LONP2: variants seen among roughly 807,000 people sequenced by gnomAD.
LONP2 encodes the protein lon protease homolog 2, peroxisomal.
A neutral mutation model predicts 85.6 loss-of-function variants in LONP2; 60 were observed. The observed-to-expected ratio is 0.70, with a 90% CI of 0.57 to 0.87. LONP2 has a LOEUF of 0.87. Ranked by LOEUF, LONP2 falls within the 40% of genes least tolerant of loss-of-function variation. LONP2 has a pLI of 0.00. For synonymous variants in LONP2, 395 were observed against 389.7 expected (o/e 1.01, Z -0.16); for missense variants, 860 against 1,063.5 (o/e 0.81, Z 2.66).
rs1365873350 is a variant in LONP2 at position 48,355,870 on chromosome 16, GA to G, written c.*4069del. ...AATTTTAGTTTAAACTAGACTTAGG[GA>G]TATGTGTATTTTACCGGTATTCCAC... On this transcript the variant is annotated 3_prime_UTR_variant, in exon 15 of 15. Coordinates refer to ENST00000285737, the MANE Select transcript of LONP2 (RefSeq NM_031490.5). The G allele has an allele frequency of 1.3e-5, 2 of 152,096 alleles. No homozygotes were observed. The highest frequency in any genetic ancestry group is 2.9e-5 in the Non-Finnish European group (2 of 68,024). 9.4% of individuals were successfully genotyped at this position (152,096 alleles called of 1,614,324 possible). A position where few individuals can be genotyped will look rare whatever the true frequency, so the allele number is the denominator to read the frequency against.
At chr16:48,347,003 T>C (rs1297627948) in intron 12 of LONP2, among the ~76,000 whole-genome samples, 1 of 151,632 alleles carries the variant, frequency 6.6e-6, no homozygotes, top group African/African-American at 2.4e-5. Flanking sequence ...ATACAAAAAT[T>C]AGCGGGTGTG....
In LONP2 at chr16:48,244,588, C is replaced by T; in HGVS notation, c.200C>T (p.Ala67Val). 1 of 1,493,630 alleles carries T rather than the reference C, an allele frequency of 6.7e-7. No homozygotes were observed. Among genetic ancestry groups the T allele is most frequent in the Admixed American group, 2.3e-5 (1 of 44,238 alleles). The allele number at this position is 1,493,630 out of a possible 1,614,324, so 92.5% of individuals were successfully genotyped here. Residue 67 changes from alanine (A) to valine (V), a missense_variant, in exon 1 of 15, where the codon GCC becomes GTC. Ala to Val is a moderately conservative substitution (Grantham distance 64). Around this residue, in one of 3 missense-constraint regions of LONP2, gnomAD observed 743 missense variants for 917.3 expected, o/e 0.81. Transcript: ENST00000285737. ...GTCATCCCCAACACGCCTGACCCCG[C>T]CAGCGACGCGCAGGACCTGCCGCCG... ...LGVIPNTPDPASDAQDLPPLH... is the reference protein window; with the variant it reads ...LGVIPNTPDPVSDAQDLPPLH...
chr16:48,306,606 G>A (rs1405946778), intron 11 of LONP2, among the ~76,000 whole-genome samples: 3 of 152,108 alleles, frequency 2.0e-5, no homozygotes, highest in African/African-American at 7.2e-5. Context: ...TAGAGGCATA[G>A]GTATGGACTC....
At position 48,261,452 on chromosome 16, in the gene LONP2, T is replaced by TA. The variant is rs1380793317; in HGVS notation, c.752_753insA (p.Thr252TyrfsTer10). 1 of 1,607,634 alleles carries TA rather than the reference T, an allele frequency of 6.2e-7. No homozygotes were observed. Among genetic ancestry groups the TA allele is most frequent in the Non-Finnish European group, 8.5e-7 (1 of 1,176,504 alleles). On this transcript the variant is annotated frameshift_variant, in exon 5 of 15. Transcript: ENST00000285737. LOFTEE classifies it high-confidence loss of function. Reference sequence around the variant, plus strand: ...ATAGCAATACGCCCTATTAGGAGAATTACACATATCTCAGGTACTTTAGAA... The same window carrying TA: ...ATAGCAATACGCCCTATTAGGAGAATATACACATATCTCAGGTACTTTAGAA...
chr16:48,271,652 G>A (rs1308557095), intron 7 of LONP2, among the ~76,000 whole-genome samples: 1 of 152,128 alleles, frequency 6.6e-6, no homozygotes, highest in Non-Finnish European at 1.5e-5. Flanking sequence ...GGAGGCCAAG[G>A]CAGGCAGTTG....
intron 3 of LONP2, among the ~76,000 whole-genome samples, chr16:48,257,367 C>G (rs55939380): frequency 0.012 from 1,862 of 152,184 alleles, 40 homozygotes; most frequent in African/African-American, 0.042. Flanking sequence ...CTTTGATTCA[C>G]TATTTTTAAA....
chr16:48,280,316 C>T (rs1972299653), intron 8 of LONP2, among the ~76,000 whole-genome samples: 1 of 152,060 alleles, frequency 6.6e-6, no homozygotes, highest in African/African-American at 2.4e-5. Context: ...AGAGTATTCC[C>T]CTGACACTTA....
chr16:48,255,535 G>A (rs977118726), intron 2 of LONP2, among the ~76,000 whole-genome samples: 6 of 152,124 alleles, frequency 3.9e-5, no homozygotes, highest in East Asian at 1.9e-4. Flanking sequence ...CCAGATATAC[G>A]CTGACAGTTG....
intron 4 of LONP2, among the ~76,000 whole-genome samples, chr16:48,259,464 C>G (rs974801802): frequency 6.6e-6 from 1 of 152,052 alleles, no homozygotes; most frequent in Non-Finnish European, 1.5e-5. Flanking sequence ...TATGTCTGGA[C>G]AGAGTTTATA....
intron 8 of LONP2, among the ~76,000 whole-genome samples, chr16:48,291,626 A>G (rs558664276): frequency 6.6e-6 from 1 of 152,226 alleles, no homozygotes; most frequent in East Asian, 1.9e-4. Context: ...GTTGGGGAGA[A>G]TAAAGGAGAA....
At chr16:48,328,831 A>C (rs1285525582) in intron 11 of LONP2, among the ~76,000 whole-genome samples, 1 of 149,406 alleles carries the variant, frequency 6.7e-6, no homozygotes, top group African/African-American at 2.5e-5. Flanking sequence ...TGTCTCAAAA[A>C]AAAAAGGGGG....
intron 8 of LONP2, among the ~76,000 whole-genome samples, chr16:48,278,006 C>T (rs765214109): frequency 4.6e-5 from 7 of 151,494 alleles, no homozygotes; most frequent in Non-Finnish European, 1.0e-4. Flanking sequence ...CCTTAGATCT[C>T]GCAATAAGAA....
intron 8 of LONP2, 83 bp from the exon 9 acceptor site, chr16:48,295,932 A>C: frequency 2.3e-6 from 3 of 1,287,052 alleles, no homozygotes; most frequent in Non-Finnish European, 3.3e-6. Flanking sequence ...CAACCTTGCC[A>C]GTACATCATG....
downstream of LONP2, chr16:48,361,957 G>C: frequency 1.2e-6 from 2 of 1,614,178 alleles, no homozygotes; most frequent in Non-Finnish European, 1.7e-6. Flanking sequence ...TCTCCCTGTA[G>C]GGTTGTAATG....
chr16:48,299,602 A>C, intron 9 of LONP2, 60 bp from the exon 10 acceptor site: 3 of 1,556,512 alleles, frequency 1.9e-6, no homozygotes, highest in Non-Finnish European at 2.6e-6. Flanking sequence ...AACAAAAAAC[A>C]AAGCATGGCA....
downstream of LONP2, among the ~76,000 whole-genome samples, chr16:48,359,936 C>T (rs1338138001): frequency 6.6e-6 from 1 of 152,210 alleles, no homozygotes; most frequent in Non-Finnish European, 1.5e-5. Context: ...TTTCACCATT[C>T]AGAAGGCAAT....
chr16:48,362,672 T>C lies in LONP2; in HGVS notation c.*809T>C. On this transcript the variant is annotated 3_prime_UTR_variant, in exon 5 of 5. Coordinates refer to the LONP2 transcript ENST00000565867. The surrounding 1 kb of genome is among the most constrained non-coding windows in gnomAD (Gnocchi z 4.2). Reference sequence around the variant, plus strand: ...AAATGTTCCGGAAAACATGTGGAACTCCCTTAATCGTCTTTGGATAGACTA... The same window carrying C: ...AAATGTTCCGGAAAACATGTGGAACCCCCTTAATCGTCTTTGGATAGACTA... 1 of 474,926 alleles carries C rather than the reference T, an allele frequency of 2.1e-6. No homozygotes were observed. Among genetic ancestry groups the C allele is most frequent in the Non-Finnish European group, 3.9e-6 (1 of 257,316 alleles). The allele number at this position is 474,926 out of a possible 1,614,324, so 29.4% of individuals were successfully genotyped here. A position where few individuals can be genotyped will look rare whatever the true frequency, so the allele number is the denominator to read the frequency against.
At chr16:48,319,342 A>G (rs115310086) in intron 11 of LONP2, among the ~76,000 whole-genome samples, 1 of 151,988 alleles carries the variant, frequency 6.6e-6, no homozygotes, top group South Asian at 2.1e-4. Flanking sequence ...AAATCAAGCC[A>G]CTGCACTCTA....
intron 8 of LONP2, among the ~76,000 whole-genome samples, chr16:48,282,786 C>T (rs1367587884): frequency 1.3e-5 from 2 of 152,146 alleles, no homozygotes; most frequent in African/African-American, 4.8e-5. Flanking sequence ...CCTGCAGTGG[C>T]TTCTAAGTGT....
Sources: gnomAD v4.1 joint callset for allele counts (sites outside exome capture counted in the v4.1 genomes callset) on GRCh38, gnomAD v4.1.1 for gene constraint, gnomAD v4.1.1 regional missense constraint, Gnocchi (gnomAD v3.1) non-coding constraint, MANE v1.5 for transcripts, NCBI Gene and HGNC (gene_info 2026-07-23, HGNC 2026-07-21) for gene names.